PAH: variants seen among roughly 807,000 people sequenced by gnomAD.
PAH encodes the protein phenylalanine hydroxylase, also known as phenylalanine-4-hydroxylase.
A neutral mutation model predicts 62.0 loss-of-function variants in PAH; 64 were observed. The observed-to-expected ratio is 1.03, with a 90% CI of 0.84 to 1.27. PAH has a LOEUF of 1.27. Ranked by LOEUF, PAH falls within the 50% of genes most tolerant of loss-of-function variation. The pLI is 0.00. For missense variants in PAH, 579 were observed against 542.8 expected, an observed-to-expected ratio of 1.07 and a Z score of -0.66; for synonymous variants, 195 against 196.2, an observed-to-expected ratio of 0.99 and a Z score of 0.05.
At position 102,838,871 on chromosome 12, in the gene PAH, G is replaced by C; in HGVS notation, c.*304C>G. 2.3e-6 allele frequency: 1 copy of C among 430,884 alleles called. No homozygotes were observed. The highest frequency in any genetic ancestry group is 4.2e-6 in the Non-Finnish European group (1 of 236,438). 26.7% of individuals were successfully genotyped at this position (430,884 alleles called of 1,614,324 possible). A position where few individuals can be genotyped will look rare whatever the true frequency, so the allele number is the denominator to read the frequency against. On this transcript the variant is annotated 3_prime_UTR_variant, in exon 13 of 13. Transcript: ENST00000553106. ...CATATATGAAGCTTGAATGAAGCAGGTCCCAAATTTTAATTAATCTTGATG... is the reference window on the plus strand; with the variant it reads ...CATATATGAAGCTTGAATGAAGCAGCTCCCAAATTTTAATTAATCTTGATG...
chr12:102,890,545 G>T (rs1405780510), intron 3 of PAH, among the ~76,000 whole-genome samples: 2 of 152,224 alleles, frequency 1.3e-5, no homozygotes, highest in Non-Finnish European at 2.9e-5. Flanking sequence ...TCAGGTGGGG[G>T]CAGCCACTAT....
intron 2 of PAH, chr12:102,904,887 A>G: frequency 4.5e-6 from 1 of 222,004 alleles, no homozygotes. Context: ...CCCAGCTCTT[A>G]TTGCTCATTG....
intron 2 of PAH, among the ~76,000 whole-genome samples, chr12:102,909,465 T>A (rs1302960945): frequency 6.6e-6 from 1 of 152,174 alleles, no homozygotes; most frequent in Non-Finnish European, 1.5e-5. Flanking sequence ...TTGATTTTGG[T>A]CACATGGCTG....
At chr12:102,896,330 A>G (rs766624930) in intron 2 of PAH, among the ~76,000 whole-genome samples, 9 of 152,184 alleles carry the variant, frequency 5.9e-5, no homozygotes, top group Non-Finnish European at 8.8e-5. Flanking sequence ...CAAGGGGAAA[A>G]TAACAGGAGA....
chr12:102,951,198 G>C (rs372625102), upstream of PAH, among the ~76,000 whole-genome samples: 223 of 152,258 alleles, frequency 1.5e-3, 1 homozygote, highest in African/African-American at 5.2e-3. Flanking sequence ...ATGCCGTCAC[G>C]GGGCGGATTG....
intron 1 of PAH, chr12:102,958,174 T>C (rs1025532852): frequency 2.2e-5 from 27 of 1,221,420 alleles, no homozygotes; most frequent in Non-Finnish European, 2.9e-5. Flanking sequence ...TCTCTCTGTG[T>C]CCCCCTCGCG....
At chr12:102,862,972 T>G (rs1875796766) in intron 5 of PAH, among the ~76,000 whole-genome samples, 1 of 151,754 alleles carries the variant, frequency 6.6e-6, no homozygotes, top group Non-Finnish European at 1.5e-5. Flanking sequence ...GGTAAGCTCT[T>G]GCCCAAGAAC....
At chr12:102,893,326 G>T (rs564416231) in intron 3 of PAH, among the ~76,000 whole-genome samples, 1 of 152,250 alleles carries the variant, frequency 6.6e-6, no homozygotes, top group South Asian at 2.1e-4. Flanking sequence ...CCTGAACCCA[G>T]GAGGCAGAGG....
upstream of PAH, among the ~76,000 whole-genome samples, chr12:102,952,397 A>G (rs1879792664): frequency 6.6e-6 from 1 of 151,722 alleles, no homozygotes; most frequent in South Asian, 2.1e-4. Flanking sequence ...CCTTTACTTT[A>G]TTTTCATTCT....
At chr12:102,874,051 T>G (rs1592966745) in intron 4 of PAH, among the ~76,000 whole-genome samples, 1 of 152,204 alleles carries the variant, frequency 6.6e-6, no homozygotes, top group Admixed American at 6.5e-5. Flanking sequence ...ACCCAAAGTA[T>G]AAACACAATG....
intron 1 of PAH, among the ~76,000 whole-genome samples, chr12:102,940,678 C>G (rs1589519): frequency 0.19 from 28,410 of 152,100 alleles, 3,039 homozygotes; most frequent in African/African-American, 0.29. Context: ...ATTATGTAAA[C>G]AGACCTAACT....
intron 3 of PAH, among the ~76,000 whole-genome samples, chr12:102,889,515 A>C (rs1220604497): frequency 2.0e-5 from 3 of 149,914 alleles, no homozygotes; most frequent in Non-Finnish European, 4.4e-5. Flanking sequence ...TGTAGATGAT[A>C]GATGATGGAT....
chr12:102,875,817 A>T (rs1441473166), intron 4 of PAH, among the ~76,000 whole-genome samples: 1 of 152,166 alleles, frequency 6.6e-6, no homozygotes, highest in African/African-American at 2.4e-5. Context: ...GAAAATACAT[A>T]GGTGAGACTC....
At chr12:102,940,481 A>C (rs1421604372) in intron 1 of PAH, among the ~76,000 whole-genome samples, 2 of 152,230 alleles carry the variant, frequency 1.3e-5, no homozygotes, top group African/African-American at 4.8e-5. Flanking sequence ...TTAAGAAAGA[A>C]CCAAACTGAT....
chr12:102,907,651 C>T (rs1441308631), intron 2 of PAH, among the ~76,000 whole-genome samples: 2 of 151,720 alleles, frequency 1.3e-5, no homozygotes, highest in African/African-American at 4.8e-5. Context: ...CAGAGTCTCA[C>T]TCTGTTGCCC....
intron 4 of PAH, among the ~76,000 whole-genome samples, chr12:102,875,819 G>T (rs904456514): frequency 6.6e-6 from 1 of 151,986 alleles, no homozygotes; most frequent in Non-Finnish European, 1.5e-5. Flanking sequence ...AAATACATAG[G>T]TGAGACTCAA....
chr12:102,854,854 T>A, intron 6 of PAH: 1 of 490,368 alleles, frequency 2.0e-6, no homozygotes. Flanking sequence ...GTGAAGCACC[T>A]TGGGCTTTAA....
chr12:102,932,691 T>C lies in PAH; in HGVS notation c.-95-15466A>G, dbSNP rs1878929078. 4.6e-5 allele frequency among the ~76,000 whole-genome samples: 7 copies of C among 152,308 alleles called. No homozygotes were observed. In the South Asian group the frequency reaches 1.5e-3, roughly 32 times the overall value. ...ATCTGCCTTTTTTGAGACACCACAGTGAGTGCTGAGTTCATGAAAGGAGGC... is the reference window on the plus strand; with the variant it reads ...ATCTGCCTTTTTTGAGACACCACAGCGAGTGCTGAGTTCATGAAAGGAGGC... On this transcript the variant is annotated intron_variant, in intron 1 of 3. Transcript: ENST00000546844.
At chr12:102,849,854 A>G (rs1173031596) in intron 8 of PAH, among the ~76,000 whole-genome samples, 1 of 152,134 alleles carries the variant, frequency 6.6e-6, no homozygotes, top group Non-Finnish European at 1.5e-5. Flanking sequence ...CCTGCCTCTG[A>G]TCAAAAAGGA....
Sources: gnomAD v4.1 joint callset for allele counts (sites outside exome capture counted in the v4.1 genomes callset) on GRCh38, gnomAD v4.1.1 for gene constraint, MANE v1.5 for transcripts, NCBI Gene and HGNC (gene_info 2026-07-23, HGNC 2026-07-21) for gene names.